DHX35: variants seen among roughly 807,000 people sequenced by gnomAD.
DHX35 encodes DEAH-box helicase 35, also known as probable ATP-dependent RNA helicase DHX35.
In DHX35, 84 loss-of-function variants were observed where a neutral mutation model predicts 99.6. The ratio of observed to expected loss-of-function variants is 0.84; its 90% CI spans 0.71 to 1.01. The LOEUF is 1.01. Ranked by LOEUF, DHX35 falls within the 50% of genes least tolerant of loss-of-function variation. DHX35 has a pLI of 0.00. For missense variants in DHX35, 852 were observed against 888.5 expected (o/e 0.96, Z 0.52); for synonymous variants, 331 against 316.2 (o/e 1.05, Z -0.50).
intron 3 of DHX35, chr20:38,978,107 A>G: frequency 2.6e-6 from 2 of 768,210 alleles, no homozygotes; most frequent in Non-Finnish European, 4.8e-6. Context: ...ACTGGCCCTG[A>G]GCCACACTTC....
At chr20:39,016,868 CTT>C (rs777635952) in intron 14 of DHX35, among the ~76,000 whole-genome samples, 17 of 106,426 alleles carry the variant, frequency 1.6e-4, no homozygotes, top group Non-Finnish European at 2.0e-4. Flanking sequence ...GTGCTGTTGT[CTT>C]TTTTTTTTTT....
In DHX35 at chr20:39,023,782, T is replaced by A; in HGVS notation, c.1671+15T>A. On this transcript the variant is annotated intron_variant, in intron 17 of 21. Coordinates refer to ENST00000252011, the MANE Select transcript of DHX35 (RefSeq NM_021931.4). The stretch of plus-strand genomic sequence containing the variant: ...CATTTATCAAAGTAAGCACAACTAC[T>A]GCTCGAAGTGCCGCCTCAACACACC... 1 of 1,609,084 alleles carries A rather than the reference T, an allele frequency of 6.2e-7. No homozygotes were observed. Among genetic ancestry groups the A allele is most frequent in the Non-Finnish European group, 8.5e-7 (1 of 1,175,662 alleles).
chr20:39,030,742 C>A lies in DHX35; in HGVS notation c.1922C>A (p.Ala641Glu). The A allele has an allele frequency of 6.2e-7, 1 of 1,614,156 alleles. No homozygotes were observed. ...GACCATGAGCTGCACATACACCCTG[C>A]GTCAGTCCTCTATGCAGAGAAGCCG... Reference protein sequence around the residue: ...RDDHELHIHPASVLYAEKPPR... With the variant: ...RDDHELHIHPESVLYAEKPPR... The change falls in exon 20 of 22, where the codon GCG becomes GAG. Residue 641 changes from alanine to glutamate, a missense_variant. Physicochemically the swap from Ala to Glu is moderately radical, Grantham distance 107 (BLOSUM62 -1). Transcript: ENST00000252011.
chr20:39,020,653 A>ATTTTTTT (rs1339589021), intron 15 of DHX35, among the ~76,000 whole-genome samples: 18 of 86,588 alleles, frequency 2.1e-4, no homozygotes, highest in African/African-American at 8.7e-4. Flanking sequence ...TAGAAACAGG[A>ATTTTTTT]TTCTTTTTTT....
intron 15 of DHX35, among the ~76,000 whole-genome samples, chr20:39,019,482 A>G (rs558026214): frequency 6.6e-6 from 1 of 152,344 alleles, no homozygotes. Context: ...TGGATACACA[A>G]ATATCATTTT....
At chr20:38,987,862 GT>G (rs2086273818) in intron 4 of DHX35, among the ~76,000 whole-genome samples, 1 of 152,066 alleles carries the variant, frequency 6.6e-6, no homozygotes, top group African/African-American at 2.4e-5. Flanking sequence ...GAGTTTGTCT[GT>G]ATTTCCCCTC....
chr20:39,013,625 A>G (rs1459974016), intron 13 of DHX35, among the ~76,000 whole-genome samples: 1 of 152,212 alleles, frequency 6.6e-6, no homozygotes, highest in East Asian at 1.9e-4. Context: ...TGACCTTGTT[A>G]GCTTTTTCTG....
chr20:38,991,607 T>C, intron 6 of DHX35, 92 bp downstream of exon 6: 1 of 1,081,718 alleles, frequency 9.2e-7, no homozygotes, highest in Non-Finnish European at 1.3e-6. Flanking sequence ...GATTCACGTC[T>C]GTGTTCAGCT....
chr20:39,013,893 G>A (rs553086768), intron 13 of DHX35, among the ~76,000 whole-genome samples: 12 of 152,238 alleles, frequency 7.9e-5, no homozygotes, highest in East Asian at 3.9e-4. Flanking sequence ...CTGTGTGTAC[G>A]GTCACTACAA....
intron 8 of DHX35, among the ~76,000 whole-genome samples, chr20:38,996,466 C>T (rs560479142): frequency 6.6e-6 from 1 of 152,264 alleles, no homozygotes; most frequent in East Asian, 1.9e-4. Flanking sequence ...AGGATGAACT[C>T]CATCCTGTAT....
At chr20:38,992,941 G>T (rs894307593) in intron 7 of DHX35, among the ~76,000 whole-genome samples, 1 of 151,980 alleles carries the variant, frequency 6.6e-6, no homozygotes, top group South Asian at 2.1e-4. Flanking sequence ...TATTATTAAG[G>T]TTTCATACAT....
intron 17 of DHX35, 144 bp from the exon 18 acceptor site, chr20:39,025,086 G>C: frequency 1.1e-6 from 1 of 914,712 alleles, no homozygotes; most frequent in Non-Finnish European, 1.6e-6. Flanking sequence ...TTTGAGAGAT[G>C]GGGCAAAAAA....
At chr20:39,008,099 A>G (rs916618500) in intron 12 of DHX35, among the ~76,000 whole-genome samples, 1 of 152,318 alleles carries the variant, frequency 6.6e-6, no homozygotes, top group South Asian at 2.1e-4. Flanking sequence ...GTTCTTCTCA[A>G]TGGATTTCTC....
chr20:38,987,890 C>T (rs2086274257), intron 4 of DHX35, among the ~76,000 whole-genome samples: 1 of 152,170 alleles, frequency 6.6e-6, no homozygotes, highest in South Asian at 2.1e-4. Flanking sequence ...GCTTTGGCAG[C>T]TGGGACACAG....
intron 8 of DHX35, among the ~76,000 whole-genome samples, chr20:38,997,649 C>T (rs528869452): frequency 5.9e-5 from 9 of 152,008 alleles, no homozygotes; most frequent in East Asian, 1.9e-4. Flanking sequence ...GTGAGGGGAA[C>T]GGTGGTTTCT....
rs1601375635 is a variant in DHX35 at position 38,978,677 on chromosome 20, A to G, written c.268-5022A>G. ...CTGTTGATTGTTTTCATTGCTGAAC[A>G]GAAGCTTTTTAATTTGATGCAATCC... is the stretch of plus-strand genomic sequence containing the variant. On this transcript the variant is annotated intron_variant, in intron 3 of 21. Transcript: ENST00000252011. Among the ~76,000 whole-genome samples, 3 of 152,196 alleles carry G rather than the reference A, an allele frequency of 2.0e-5. No homozygotes were observed. In the South Asian group the frequency reaches 6.2e-4, roughly 31 times the overall value.
At chr20:39,003,252 G>A (rs934018626) in intron 10 of DHX35, among the ~76,000 whole-genome samples, 5 of 152,142 alleles carry the variant, frequency 3.3e-5, no homozygotes, top group African/African-American at 4.8e-5. Context: ...GGTGATAAGT[G>A]GCCATATTAC....
intron 1 of DHX35, among the ~76,000 whole-genome samples, chr20:38,966,347 A>G (rs1458773793): frequency 6.6e-6 from 1 of 152,196 alleles, no homozygotes; most frequent in Non-Finnish European, 1.5e-5. Flanking sequence ...GAGAAGGTAT[A>G]CTGTTTATCA....
intron 4 of DHX35, among the ~76,000 whole-genome samples, chr20:38,984,391 C>T (rs933146887): frequency 1.3e-5 from 2 of 152,038 alleles, no homozygotes; most frequent in African/African-American, 4.8e-5. Flanking sequence ...CAAGCTTCTC[C>T]TAAAGATGAA....
Sources: gnomAD v4.1 joint callset for allele counts (sites outside exome capture counted in the v4.1 genomes callset) on GRCh38, gnomAD v4.1.1 for gene constraint, MANE v1.5 for transcripts, NCBI Gene and HGNC (gene_info 2026-07-23, HGNC 2026-07-21) for gene names.